RGL2: variants seen among roughly 807,000 people sequenced by gnomAD.
RGL2 encodes the protein ral guanine nucleotide dissociation stimulator like 2.
RGL2 carries 40 observed loss-of-function variants against 84.6 expected under a neutral mutation model. That is an observed-to-expected ratio of 0.47 (90% confidence interval 0.37 to 0.62). The LOEUF is 0.62. Ranked by LOEUF, RGL2 falls within the 20% of genes least tolerant of loss-of-function variation. The pLI, the probability that RGL2 is intolerant of heterozygous loss-of-function variation, is 0.00. For synonymous variants in RGL2, 369 were observed against 417.3 expected (o/e 0.88, Z 1.41); for missense variants, 865 against 1,019.7 (o/e 0.85, Z 2.07).
In RGL2 at chr6:33,295,676, G is replaced by A; in HGVS notation, c.852C>T (p.Cys284=). ...HRDRPGHSHL[C]PSVRATVTQF... The stretch of plus-strand genomic sequence containing the variant: ...GTGTGACAGTAGCTCGGACAGATGG[G>A]CAGAGGTGAGAATGTCCTGGCCGGT... The change falls in exon 7 of 18, where the codon TGC becomes TGT. Residue 284 remains cysteine (C), a synonymous_variant. Transcript: ENST00000497454. The surrounding 1 kb of genome is among the most constrained non-coding windows in gnomAD (Gnocchi z 7.2). The A allele has an allele frequency of 6.2e-7, 1 of 1,613,892 alleles. No homozygotes were observed. The highest frequency in any genetic ancestry group is 8.5e-7 in the Non-Finnish European group (1 of 1,180,048).
rs1370875885 is a variant in RGL2, at chr6:33,295,958, A to G, written c.768+70T>C. On this transcript the variant is annotated intron_variant, in intron 6 of 17. Coordinates refer to ENST00000497454, the MANE Select transcript of RGL2 (RefSeq NM_004761.5). This position sits in a 1 kb window ranked among gnomAD's most constrained non-coding sequence, Gnocchi z 7.2. ...GGATCAGGAAGGGGTGGAAGCAAGG[A>G]AAGGATCTGGAGTCAAGGAGAGGTT... The G allele has an allele frequency of 1.3e-6, 2 of 1,571,062 alleles. No homozygotes were observed. Among genetic ancestry groups the G allele is most frequent in the Non-Finnish European group, 1.7e-6 (2 of 1,147,238 alleles).
At position 33,294,103 on chromosome 6, in the gene RGL2, C is replaced by G. The variant is rs373999463; in HGVS notation, c.1354-37G>C. On this transcript the variant is annotated intron_variant, in intron 11 of 17. Transcript: ENST00000497454. This position sits in a 1 kb window ranked among gnomAD's most constrained non-coding sequence, Gnocchi z 5.0. ...ATGGGGATGGGGTGAAAGTTCCAAC[C>G]CTACCTTCCGGCCACAGAGAGAGAA... 3.9e-4 allele frequency: 622 copies of G among 1,597,662 alleles called. No individual in the cohort carries two copies. The highest frequency in any genetic ancestry group is 4.9e-4 in the Non-Finnish European group (573 of 1,170,328).
chr6:33,293,919 G>A lies in RGL2; in HGVS notation c.1387-3C>T. The A allele has an allele frequency of 5.0e-6, 8 of 1,614,012 alleles. No individual in the cohort carries two copies. Among genetic ancestry groups the A allele is most frequent in the Non-Finnish European group, 6.8e-6 (8 of 1,180,016 alleles). ...AACTCAGAAAGGACTGCAAACTCCT[G>A]GGAAGGAGCCCTCAAACTGCAGGAG... On this transcript the variant is annotated splice_polypyrimidine_tract_variant and splice_region_variant and intron_variant, in intron 12 of 17. Transcript: ENST00000497454. This position sits in a 1 kb window ranked among gnomAD's most constrained non-coding sequence, Gnocchi z 7.0.
chr6:33,297,931 C>CCTAG lies in RGL2; in HGVS notation c.156+520_156+523dup, dbSNP rs981663045. 6.6e-6 allele frequency: 1 copy of CCTAG among 151,650 alleles called. No homozygotes were observed. The highest frequency in any genetic ancestry group is 1.5e-5 in the Non-Finnish European group (1 of 68,050). 9.4% of individuals were successfully genotyped at this position (151,650 alleles called of 1,614,324 possible). ...AAACAGATGACCACTCTCTACCCAC[C>CCTAG]CTAGGATCTTTCCTCCAGGTCCCAG... is the stretch of plus-strand genomic sequence containing the variant. On this transcript the variant is annotated intron_variant, in intron 2 of 17. Coordinates refer to ENST00000497454, the MANE Select transcript of RGL2 (RefSeq NM_004761.5). This position sits in a 1 kb window ranked among gnomAD's most constrained non-coding sequence, Gnocchi z 4.0.
Position 33,298,341 on chromosome 6 carries a change from GA to G in RGL2, c.156+113del. The G allele has an allele frequency of 8.2e-6, 5 of 613,056 alleles. No homozygotes were observed. The South Asian group carries it at 1.1e-4, about 13-fold the overall frequency. The allele number at this position is 613,056 out of a possible 1,614,324, so 38.0% of individuals were successfully genotyped here. On this transcript the variant is annotated intron_variant, in intron 2 of 17. Transcript: ENST00000497454. This position sits in a 1 kb window ranked among gnomAD's most constrained non-coding sequence, Gnocchi z 4.8. ...GCAGAGAAACGGGCCGACACCCAGG[GA>G]GGCGCGAGAATAACTGAGGCAAGGA...
Position 33,296,217 on chromosome 6 carries a change from C to G in RGL2, c.579G>C (p.Gly193=). The G allele has an allele frequency of 3.1e-6, 5 of 1,613,970 alleles. No individual in the cohort carries two copies. The highest frequency in any genetic ancestry group is 1.3e-5 in the African/African-American group (1 of 75,052). Residue 193 remains glycine, a synonymous_variant, in exon 6 of 18, where the codon GGG becomes GGC. Coordinates refer to ENST00000497454, the MANE Select transcript of RGL2 (RefSeq NM_004761.5). The surrounding 1 kb of genome is among the most constrained non-coding windows in gnomAD (Gnocchi z 5.0). ...CCCCAACACCCTTCCCTGCTGCATA[C>G]CCTGTCTGAAGTAAGAAGCTCTCAA... ...DRLESFLLQT[G]YAAGKGVGGG... is the part of the protein sequence containing the mutation.
rs774785745 is a variant in RGL2, at chr6:33,293,032, A to G, written c.1991T>C (p.Val664Ala). ...VQMELGEDGS[V>A]YKSILVTSQD... ...CTCCCTCACCAAAATGCTCTTATAG[A>G]CACTGCCATCTTCCCCCAACTCCAT... The change falls in exon 16 of 18, where the codon GTC becomes GCC. Residue 664 changes from valine (V) to alanine (A), a missense_variant. Val to Ala is a moderately conservative substitution (Grantham distance 64, BLOSUM62 0). Coordinates refer to ENST00000497454, the MANE Select transcript of RGL2 (RefSeq NM_004761.5). The surrounding 1 kb of genome is among the most constrained non-coding windows in gnomAD (Gnocchi z 7.0). 17 of 1,614,074 alleles carry G rather than the reference A, an allele frequency of 1.1e-5. No individual in the cohort carries two copies. Among genetic ancestry groups the G allele is most frequent in the Non-Finnish European group, 1.4e-5 (17 of 1,180,030 alleles).
rs774363944 is a variant in RGL2 at position 33,296,785 on chromosome 6, C to T, written c.241-9G>A. 5 of 1,613,826 alleles carry T rather than the reference C, an allele frequency of 3.1e-6. No homozygotes were observed. The highest frequency in any genetic ancestry group is 1.7e-6 in the Non-Finnish European group (2 of 1,180,016). On this transcript the variant is annotated splice_polypyrimidine_tract_variant and intron_variant, in intron 3 of 17. Transcript: ENST00000497454. This position sits in a 1 kb window ranked among gnomAD's most constrained non-coding sequence, Gnocchi z 5.0. ...GGGGGAGGCATAGGGACCTGGAGAA[C>T]ACAGAGAGATGATCGCTAACCCTTT...
Position 33,293,749 on chromosome 6 carries a change from C to G in RGL2, c.1508+46G>C, listed in dbSNP as rs758995344. 3 of 1,613,090 alleles carry G rather than the reference C, an allele frequency of 1.9e-6. No homozygotes were observed. The highest frequency in any genetic ancestry group is 2.2e-5 in the South Asian group (2 of 91,022). On this transcript the variant is annotated intron_variant, in intron 13 of 17. Transcript: ENST00000497454. The surrounding 1 kb of genome is among the most constrained non-coding windows in gnomAD (Gnocchi z 7.0). ...AGCTCAGGACATGACACCAATCCCCCACACCTGGCCAGAACCCTGGAGTCC... is the reference window on the plus strand; with the variant it reads ...AGCTCAGGACATGACACCAATCCCCGACACCTGGCCAGAACCCTGGAGTCC...
rs1481436234 is a variant in RGL2, at chr6:33,296,190, C to T, written c.606G>A (p.Gly202=). The change falls in exon 6 of 18, where the codon GGG becomes GGA. Residue 202 remains glycine (G), a synonymous_variant. Transcript: ENST00000497454. This position sits in a 1 kb window ranked among gnomAD's most constrained non-coding sequence, Gnocchi z 5.0. ...TGYAAGKGVG[G]GSADLIRNLR... is the part of the protein sequence containing the mutation. ...GATTGCGGATGAGGTCAGCGCTGCCCCCCCCAACACCCTTCCCTGCTGCAT... is the reference window on the plus strand; with the variant it reads ...GATTGCGGATGAGGTCAGCGCTGCCTCCCCCAACACCCTTCCCTGCTGCAT... 1.5e-5 allele frequency: 25 copies of T among 1,613,804 alleles called. No individual in the cohort carries two copies. The highest frequency in any genetic ancestry group is 2.2e-5 in the East Asian group (1 of 44,890).
Position 33,296,690 on chromosome 6 carries a change from T to C in RGL2, c.327A>G (p.Thr109=). 2 of 1,613,960 alleles carry C rather than the reference T, an allele frequency of 1.2e-6. No individual in the cohort carries two copies. The highest frequency in any genetic ancestry group is 1.1e-5 in the South Asian group (1 of 91,074). Residue 109 remains threonine (T), a synonymous_variant, in exon 4 of 18, where the codon ACA becomes ACG. Coordinates refer to ENST00000497454, the MANE Select transcript of RGL2 (RefSeq NM_004761.5). The surrounding 1 kb of genome is among the most constrained non-coding windows in gnomAD (Gnocchi z 5.0). ...ACATGAAGCTCACATCAGTCCCTGA[T>C]GTCCGGGTATCCAGTAGGTGTCTGA... ...ALVRHLLDTR[T]SGTDVSFMSA... is the part of the protein sequence containing the mutation.
rs1022621854 is a variant in RGL2, at chr6:33,292,936, G to C, written c.2007+80C>G. On this transcript the variant is annotated intron_variant, in intron 16 of 17. Transcript: ENST00000497454. ...ATTAAAACTACATTCAATTCCATTT[G>C]GCTGCCCAAACCTCAGACAACATTT... The C allele has an allele frequency of 9.8e-6, 15 of 1,534,466 alleles. No individual in the cohort carries two copies. The South Asian group carries it at 1.5e-4, about 15-fold the overall frequency.
In RGL2 at chr6:33,297,154, C is replaced by A; in HGVS notation, c.157-39G>T. The A allele has an allele frequency of 6.8e-7, 1 of 1,474,298 alleles. No individual in the cohort carries two copies. Among genetic ancestry groups the A allele is most frequent in the Non-Finnish European group, 9.2e-7 (1 of 1,092,712 alleles). The allele number at this position is 1,474,298 out of a possible 1,614,324, so 91.3% of individuals were successfully genotyped here. A position where few individuals can be genotyped will look rare whatever the true frequency, so the allele number is the denominator to read the frequency against. ...GAAGGGGAAGTCAGACAGTTCCACA[C>A]CACCCCCCATTGCCCTCAGCCTTCA... On this transcript the variant is annotated intron_variant, in intron 2 of 17. Transcript: ENST00000497454. The surrounding 1 kb of genome is among the most constrained non-coding windows in gnomAD (Gnocchi z 4.0).
At position 33,295,451 on chromosome 6, in the gene RGL2, C is replaced by G; in HGVS notation, c.1021-29G>C. 1 of 1,613,348 alleles carries G rather than the reference C, an allele frequency of 6.2e-7. No homozygotes were observed. On this transcript the variant is annotated intron_variant, in intron 7 of 17. Transcript: ENST00000497454. The surrounding 1 kb of genome is among the most constrained non-coding windows in gnomAD (Gnocchi z 7.2). The stretch of plus-strand genomic sequence containing the variant: ...TGGGGGTCAAAGAAGAGAGCTAAGG[C>G]TATGGGAGGCCTCTCCATTCCATGG...
At position 33,292,602 on chromosome 6, in the gene RGL2, C is replaced by T. The variant is rs1767522118; in HGVS notation, c.2008-58G>A. 5.7e-6 allele frequency: 8 copies of T among 1,398,316 alleles called. No homozygotes were observed. The South Asian group carries it at 6.9e-5, about 12-fold the overall frequency. 86.6% of individuals were successfully genotyped at this position (1,398,316 alleles called of 1,614,324 possible). On this transcript the variant is annotated intron_variant, in intron 16 of 17. Transcript: ENST00000497454. ...TCAGCCATGATTTCCCATCCTTCTA[C>T]CCTCAGCCACTGAACCCAACCACAA...
Position 33,297,390 on chromosome 6 carries a change from C to A in RGL2, c.157-275G>T, listed in dbSNP as rs1460463826. The A allele has an allele frequency of 2.4e-6, 1 of 421,068 alleles. No individual in the cohort carries two copies. The highest frequency in any genetic ancestry group is 2.0e-5 in the African/African-American group (1 of 49,698). 26.1% of individuals were successfully genotyped at this position (421,068 alleles called of 1,614,324 possible). A position where few individuals can be genotyped will look rare whatever the true frequency, so the allele number is the denominator to read the frequency against. On this transcript the variant is annotated intron_variant, in intron 2 of 17. Coordinates refer to ENST00000497454, the MANE Select transcript of RGL2 (RefSeq NM_004761.5). The surrounding 1 kb of genome is among the most constrained non-coding windows in gnomAD (Gnocchi z 4.0). Reference sequence around the variant, plus strand: ...AGTACAGGAATTCTGATCCTGGAGACCCCCAAAGCCCCTTCTCCCCAGAGC... The same window carrying A: ...AGTACAGGAATTCTGATCCTGGAGAACCCCAAAGCCCCTTCTCCCCAGAGC...
In RGL2 at chr6:33,296,904, G is replaced by T; in HGVS notation, c.240+128C>A. On this transcript the variant is annotated intron_variant, in intron 3 of 17. Coordinates refer to ENST00000497454, the MANE Select transcript of RGL2 (RefSeq NM_004761.5). This position sits in a 1 kb window ranked among gnomAD's most constrained non-coding sequence, Gnocchi z 5.0. ...GATATTCAGAGAGGGCAAGAGTCTT[G>T]GCCTATGTCACACAGCAGAGTCCAG... 6.7e-7 allele frequency: 1 copy of T among 1,491,218 alleles called. No homozygotes were observed. The highest frequency in any genetic ancestry group is 9.3e-7 in the Non-Finnish European group (1 of 1,069,868). 92.4% of individuals were successfully genotyped at this position (1,491,218 alleles called of 1,614,324 possible). A position where few individuals can be genotyped will look rare whatever the true frequency, so the allele number is the denominator to read the frequency against.
Position 33,293,940 on chromosome 6 carries a change from A to C in RGL2, c.1387-24T>G. 6.2e-7 allele frequency: 1 copy of C among 1,614,132 alleles called. No individual in the cohort carries two copies. The highest frequency in any genetic ancestry group is 8.5e-7 in the Non-Finnish European group (1 of 1,180,032). On this transcript the variant is annotated intron_variant, in intron 12 of 17. Coordinates refer to ENST00000497454, the MANE Select transcript of RGL2 (RefSeq NM_004761.5). The surrounding 1 kb of genome is among the most constrained non-coding windows in gnomAD (Gnocchi z 7.0). ...TCCTGGGAAGGAGCCCTCAAACTGC[A>C]GGAGCCAAAACTCAGGGACCCCTGA...
At chr6:33,301,584 A>AG (rs1466478458), upstream of RGL2, 3 of 632,824 alleles carry the variant, frequency 4.7e-6, no homozygotes, top group Non-Finnish European at 8.3e-6. Flanking sequence ...AAAAAAAAAA[A>AG]AAAAAGAAAA....
Sources: gnomAD v4.1 joint callset for allele counts on GRCh38, gnomAD v4.1.1 for gene constraint, Gnocchi (gnomAD v3.1) non-coding constraint, MANE v1.5 for transcripts, NCBI Gene and HGNC (gene_info 2026-07-23, HGNC 2026-07-21) for gene names.